FAT3: variants seen among roughly 807,000 people sequenced by gnomAD.
The protein encoded by FAT3 is protocadherin Fat 3.
FAT3 carries 95 observed loss-of-function variants against 310.2 expected under a neutral mutation model. That is an observed-to-expected ratio of 0.31 (90% CI 0.26 to 0.36). The LOEUF (loss-of-function observed/expected upper bound fraction) is 0.36, where lower values mean the gene tolerates loss of function less well. Among genes scored for constraint, FAT3 ranks in the 10% least tolerant of loss-of-function variants. The pLI, the probability that FAT3 is intolerant of heterozygous loss-of-function variation, is 1.00. For missense variants in FAT3, 5,408 were observed against 5,715.6 expected, an observed-to-expected ratio of 0.95 and a Z score of 1.74; for synonymous variants, 2,314 against 2,192.9, an observed-to-expected ratio of 1.06 and a Z score of -1.54.
At chr11:92,462,181 A>G (rs1951654036) in intron 2 of FAT3, among the ~76,000 whole-genome samples, 1 of 151,342 alleles carries the variant, frequency 6.6e-6, no homozygotes. Context: ...TCTAATTTTT[A>G]TTTTAGGTTC....
At chr11:92,602,744 C>A (rs1940090944) in intron 3 of FAT3, among the ~76,000 whole-genome samples, 1 of 152,170 alleles carries the variant, frequency 6.6e-6, no homozygotes, top group African/African-American at 2.4e-5. Flanking sequence ...GTAATCCACT[C>A]CAGCCTGAAA....
chr11:92,560,974 C>A, intron 3 of FAT3, among the ~76,000 whole-genome samples: 1 of 152,142 alleles, frequency 6.6e-6, no homozygotes, highest in East Asian at 1.9e-4. Flanking sequence ...CCAAAAGAAG[C>A]TTTTAGAAAA....
In FAT3 at chr11:92,604,754, C is replaced by T. The variant is rs543326172; in HGVS notation, c.3607+79806C>T. ...GGGCTGGTCTTTGCTCCTCTGAGCC[C>T]CTTCCTGGCATGGCACAGCTACATC... On this transcript the variant is annotated intron_variant, in intron 3 of 27. Coordinates refer to ENST00000525166, the MANE Select transcript of FAT3 (RefSeq NM_001367949.2). Among the ~76,000 whole-genome samples, 5 of 152,294 alleles carry T rather than the reference C, an allele frequency of 3.3e-5. No individual in the cohort carries two copies. In the East Asian group the frequency reaches 9.7e-4, roughly 29 times the overall value.
At chr11:92,887,698 C>G (rs1949828766) in intron 25 of FAT3, among the ~76,000 whole-genome samples, 1 of 152,152 alleles carries the variant, frequency 6.6e-6, no homozygotes, top group Non-Finnish European at 1.5e-5. Flanking sequence ...TTTGTTGACA[C>G]TCCAAAGCTG....
At chr11:92,569,680 TG>T (rs1221410259) in intron 3 of FAT3, among the ~76,000 whole-genome samples, 1 of 152,218 alleles carries the variant, frequency 6.6e-6, no homozygotes, top group Admixed American at 6.5e-5. Flanking sequence ...TTGTTAACTT[TG>T]CTATATATCC....
At chr11:92,389,342 G>T (rs1367402590) in intron 2 of FAT3, among the ~76,000 whole-genome samples, 1 of 152,132 alleles carries the variant, frequency 6.6e-6, no homozygotes, top group Non-Finnish European at 1.5e-5. Flanking sequence ...TGCCCATAAC[G>T]GACCTAACAA....
intron 3 of FAT3, among the ~76,000 whole-genome samples, chr11:92,621,345 G>A (rs1199594531): frequency 6.6e-6 from 1 of 152,214 alleles, no homozygotes; most frequent in Non-Finnish European, 1.5e-5. Flanking sequence ...GGAAAAAAGA[G>A]TTTTAAGAAG....
At chr11:92,442,983 C>T (rs748515860) in intron 2 of FAT3, among the ~76,000 whole-genome samples, 13 of 152,108 alleles carry the variant, frequency 8.5e-5, no homozygotes, top group Non-Finnish European at 4.4e-5. Context: ...TTTAACAATT[C>T]GACACGATAA....
chr11:92,229,490 G>GTTTTTTTTTTTT lies in FAT3; in HGVS notation c.-18+4317_-18+4318insTTTTTTTTTTTT. 9.4e-4 allele frequency among the ~76,000 whole-genome samples: 44 copies of GTTTTTTTTTTTT among 46,848 alleles called. 9 individuals are homozygous for GTTTTTTTTTTTT. The highest frequency in any genetic ancestry group is 2.1e-3 in the African/African-American group (28 of 13,134). The allele number at this position is 46,848 out of a possible 152,430, so 30.7% of individuals were successfully genotyped here. On this transcript the variant is annotated intron_variant, in intron 1 of 27. Coordinates refer to ENST00000525166, the MANE Select transcript of FAT3 (RefSeq NM_001367949.2). ...CCTTGTTTTCTTTTTTTGTTTTTTCGTGTTTTTTTTTTTTTTGTTTTTTGT... is the reference window on the plus strand; with the variant it reads ...CCTTGTTTTCTTTTTTTGTTTTTTCGTTTTTTTTTTTTTGTTTTTTTTTTTTTTGTTTTTTGT...
intron 2 of FAT3, among the ~76,000 whole-genome samples, chr11:92,448,752 T>C (rs1454903615): frequency 6.6e-6 from 1 of 152,228 alleles, no homozygotes; most frequent in Non-Finnish European, 1.5e-5. Context: ...GAACTGGTGC[T>C]TTCACGTTTC....
chr11:92,320,036 T>C (rs1025989501), intron 1 of FAT3, among the ~76,000 whole-genome samples: 4 of 152,188 alleles, frequency 2.6e-5, no homozygotes, highest in African/African-American at 9.6e-5. Flanking sequence ...GGATGGGTTA[T>C]TGCAGTAGTT....
At chr11:92,853,004 C>T (rs1421657134) in intron 19 of FAT3, among the ~76,000 whole-genome samples, 1 of 152,212 alleles carries the variant, frequency 6.6e-6, no homozygotes, top group African/African-American at 2.4e-5. Flanking sequence ...TGGCTGGTGA[C>T]ACCTTTTGCC....
chr11:92,631,768 C>A (rs998583130), intron 3 of FAT3, among the ~76,000 whole-genome samples: 22 of 152,126 alleles, frequency 1.4e-4, no homozygotes, highest in African/African-American at 5.3e-4. Context: ...ACCTATAATT[C>A]TTTTTTTCCT....
chr11:92,664,441 T>C (rs1942890767), intron 3 of FAT3, among the ~76,000 whole-genome samples: 1 of 152,212 alleles, frequency 6.6e-6, no homozygotes, highest in African/African-American at 2.4e-5. Flanking sequence ...ATGACTACAA[T>C]CTCACATTTT....
chr11:92,615,806 A>C (rs1480683186), intron 3 of FAT3, among the ~76,000 whole-genome samples: 4 of 152,158 alleles, frequency 2.6e-5, no homozygotes, highest in South Asian at 2.1e-4. Flanking sequence ...TTTCTTAATC[A>C]TGAGTTCTAG....
intron 3 of FAT3, among the ~76,000 whole-genome samples, chr11:92,632,347 A>G (rs1941586914): frequency 1.3e-5 from 2 of 152,208 alleles, no homozygotes; most frequent in South Asian, 2.1e-4. Context: ...GCAGTCATTT[A>G]AATTTCACAT....
chr11:92,306,587 T>C (rs1164960796), intron 1 of FAT3, among the ~76,000 whole-genome samples: 1 of 127,912 alleles, frequency 7.8e-6, no homozygotes, highest in Non-Finnish European at 1.6e-5. Flanking sequence ...TATATATTTA[T>C]ATTATATATA....
At chr11:92,530,175 G>T (rs1954018924) in intron 3 of FAT3, among the ~76,000 whole-genome samples, 1 of 152,294 alleles carries the variant, frequency 6.6e-6, no homozygotes, top group Middle Eastern at 3.4e-3. Flanking sequence ...GGATAAGAGA[G>T]GGGGTAACAG....
intron 1 of FAT3, among the ~76,000 whole-genome samples, chr11:92,278,568 T>G (rs1193010836): frequency 6.6e-6 from 1 of 152,134 alleles, no homozygotes; most frequent in South Asian, 2.1e-4. Flanking sequence ...TATTTAAATA[T>G]GTATTCTTTA....
Sources: allele counts gnomAD v4.1 joint callset (sites outside exome capture counted in the v4.1 genomes callset), GRCh38; gene constraint gnomAD v4.1.1; transcripts MANE v1.5; gene names NCBI Gene and HGNC (gene_info 2026-07-23, HGNC 2026-07-21).